The following DLGAP4 variants were observed in gnomAD, a reference collection of about 807,000 sequenced individuals.
DLGAP4 encodes the protein disks large-associated protein 4.
Under a neutral mutation model 86.9 loss-of-function variants are expected in DLGAP4, and 18 were observed. That is an observed-to-expected ratio of 0.21 (90% CI 0.14 to 0.31). The LOEUF (loss-of-function observed/expected upper bound fraction) is 0.31, where lower values mean the gene tolerates loss of function less well. Among genes scored for constraint, DLGAP4 ranks in the 10% least tolerant of loss-of-function variants. The pLI, the probability that DLGAP4 is intolerant of heterozygous loss-of-function variation, is 1.00. For synonymous variants in DLGAP4, 548 were observed against 574.3 expected (o/e 0.95, Z 0.65); for missense variants, 1,085 against 1,362.6 (o/e 0.80, Z 3.21).
At chr20:36,467,138 A>G (rs2034451474) in intron 7 of DLGAP4, among the ~76,000 whole-genome samples, 1 of 150,902 alleles carries the variant, frequency 6.6e-6, no homozygotes, top group Non-Finnish European at 1.5e-5. Flanking sequence ...ATAGACAGAC[A>G]AGGCGTCTCT....
At chr20:36,486,858 C>T (rs951608479) in intron 7 of DLGAP4, among the ~76,000 whole-genome samples, 12 of 151,288 alleles carry the variant, frequency 7.9e-5, no homozygotes, top group Non-Finnish European at 1.8e-4. Flanking sequence ...GTGATCCGCC[C>T]GCGTCAGCCT....
intron 8 of DLGAP4, 136 bp downstream of exon 8, chr20:36,497,202 G>A (rs1600654500): frequency 6.2e-6 from 9 of 1,458,008 alleles, no homozygotes; most frequent in Non-Finnish European, 7.2e-6. Context: ...TCAGCCCCAA[G>A]TGGCCAAACC....
intron 11 of DLGAP4, chr20:36,525,491 C>A: frequency 3.0e-6 from 1 of 330,756 alleles, no homozygotes; most frequent in Non-Finnish European, 5.8e-6. Flanking sequence ...GATTCTGTGA[C>A]CTTTCCCACC....
At chr20:36,450,529 A>G (rs541170591) in intron 7 of DLGAP4, among the ~76,000 whole-genome samples, 1 of 152,160 alleles carries the variant, frequency 6.6e-6, no homozygotes, top group South Asian at 2.1e-4. Flanking sequence ...CAACAATTCT[A>G]TGTTCCATGA....
intron 2 of DLGAP4, among the ~76,000 whole-genome samples, chr20:36,424,730 TTTTG>T (rs897625192): frequency 3.5e-5 from 5 of 143,016 alleles, no homozygotes; most frequent in Non-Finnish European, 3.1e-5. Flanking sequence ...TTTTTGTTTG[TTTTG>T]TTTGTTTTTT....
At chr20:36,369,712 A>C (rs1240011375) in intron 2 of DLGAP4, among the ~76,000 whole-genome samples, 1 of 152,246 alleles carries the variant, frequency 6.6e-6, no homozygotes, top group African/African-American at 2.4e-5. Context: ...TGGTGGTTAC[A>C]TGACTATTTC....
intron 7 of DLGAP4, among the ~76,000 whole-genome samples, chr20:36,475,475 C>T (rs1186982165): frequency 1.3e-5 from 2 of 152,210 alleles, no homozygotes; most frequent in African/African-American, 2.4e-5. Flanking sequence ...TCCCAAAGTG[C>T]TGGGATTACA....
chr20:36,441,855 C>T (rs1013631425), intron 5 of DLGAP4, among the ~76,000 whole-genome samples: 7 of 152,170 alleles, frequency 4.6e-5, no homozygotes, highest in South Asian at 2.1e-4. Context: ...TCTCCACCCC[C>T]GCCTGGGCCT....
chr20:36,436,950 A>G (rs896937721), intron 4 of DLGAP4, among the ~76,000 whole-genome samples: 3 of 152,184 alleles, frequency 2.0e-5, no homozygotes, highest in African/African-American at 7.2e-5. Flanking sequence ...TTCAGTAAGT[A>G]CAAGTCCCGC....
Position 36,528,230 on chromosome 20 carries a change from A to T in DLGAP4, c.*1199A>T, listed in dbSNP as rs1415398682. 1 of 143,762 alleles carries T rather than the reference A, an allele frequency of 7.0e-6. No homozygotes were observed. Among genetic ancestry groups the T allele is most frequent in the African/African-American group, 2.7e-5 (1 of 37,506 alleles). 8.9% of individuals were successfully genotyped at this position (143,762 alleles called of 1,614,324 possible). On this transcript the variant is annotated 3_prime_UTR_variant, in exon 13 of 13. Coordinates refer to ENST00000339266, the MANE Select transcript of DLGAP4 (RefSeq NM_001365621.2). ...GAGTTTTCTGTTCTATTTTTTTTTT[A>T]ACCCCAATTATCCTTCTCTCTCTCC...
Position 36,432,927 on chromosome 20 carries a change from G to T in DLGAP4, c.999+211G>T, listed in dbSNP as rs1239710340. 6.6e-6 allele frequency among the ~76,000 whole-genome samples: 1 copy of T among 152,188 alleles called. No individual in the cohort carries two copies. The highest frequency in any genetic ancestry group is 1.5e-5 in the Non-Finnish European group (1 of 68,050). ...CAGAGATTAATTAGGGCCTTTCTGA[G>T]CCCAGCCCTGAGCAGGGACTAAAAT... On this transcript the variant is annotated intron_variant, in intron 3 of 12. Transcript: ENST00000339266. The surrounding 1 kb of genome is among the most constrained non-coding windows in gnomAD (Gnocchi z 6.5).
chr20:36,470,981 G>T (rs78459161), intron 7 of DLGAP4, among the ~76,000 whole-genome samples: 2,689 of 152,182 alleles, frequency 0.018, 99 homozygotes, highest in African/African-American at 0.061. Flanking sequence ...TGTAGCTGTC[G>T]GAGCCATTTC....
chr20:36,519,658 G>A (rs1383484175), intron 10 of DLGAP4, among the ~76,000 whole-genome samples: 1 of 152,146 alleles, frequency 6.6e-6, no homozygotes, highest in African/African-American at 2.4e-5. Flanking sequence ...CGCTTTCTGA[G>A]GAACCACCCA....
chr20:36,495,999 A>C (rs1379908613), intron 7 of DLGAP4, among the ~76,000 whole-genome samples: 1 of 151,964 alleles, frequency 6.6e-6, no homozygotes, highest in Non-Finnish European at 1.5e-5. Context: ...CAGCCTTCCG[A>C]GTAGCTGGGA....
intron 7 of DLGAP4, among the ~76,000 whole-genome samples, chr20:36,487,408 G>T (rs928999833): frequency 3.9e-5 from 6 of 152,218 alleles, no homozygotes; most frequent in Non-Finnish European, 8.8e-5. Context: ...GAAATGGGAT[G>T]CTATGGGCAG....
At chr20:36,358,030 G>A (rs547895452) in intron 1 of DLGAP4, among the ~76,000 whole-genome samples, 1 of 152,244 alleles carries the variant, frequency 6.6e-6, no homozygotes, top group African/African-American at 2.4e-5. Context: ...ATTCAGGGGA[G>A]CACTGGACAG....
At chr20:36,458,996 CT>C (rs1569505496) in intron 7 of DLGAP4, among the ~76,000 whole-genome samples, 1 of 152,244 alleles carries the variant, frequency 6.6e-6, no homozygotes, top group Admixed American at 6.5e-5. Flanking sequence ...ACTCCTCTAA[CT>C]GCCAGTTCTG....
chr20:36,526,177 C>T (rs2037746099), intron 12 of DLGAP4, 171 bp downstream of exon 12: 18 of 917,564 alleles, frequency 2.0e-5, no homozygotes, highest in South Asian at 4.5e-5. Flanking sequence ...TCTGGCATGC[C>T]GCTTGCTCCG....
intron 2 of DLGAP4, among the ~76,000 whole-genome samples, chr20:36,418,699 G>A (rs1264687899): frequency 1.3e-5 from 2 of 152,078 alleles, no homozygotes; most frequent in Non-Finnish European, 2.9e-5. Flanking sequence ...CCTGTGTTCA[G>A]AGTTCACTGT....
Sources: gnomAD v4.1 joint callset for allele counts (sites outside exome capture counted in the v4.1 genomes callset) on GRCh38, gnomAD v4.1.1 for gene constraint, Gnocchi (gnomAD v3.1) non-coding constraint, MANE v1.5 for transcripts, NCBI Gene and HGNC (gene_info 2026-07-23, HGNC 2026-07-21) for gene names.